ZNF236: variants seen among roughly 807,000 people sequenced by gnomAD.
ZNF236 encodes regulated by glucose.
A neutral mutation model predicts 191.2 loss-of-function variants in ZNF236; 50 were observed. That is an observed-to-expected ratio of 0.26 (90% CI 0.21 to 0.33). ZNF236 has a LOEUF of 0.33. ZNF236 is among the 10% of genes least tolerant of loss of function. The pLI is 1.00. For missense variants in ZNF236, 1,754 were observed against 2,374.5 expected (o/e 0.74, Z 5.43); for synonymous variants, 907 against 928.8 (o/e 0.98, Z 0.43).
Position 76,884,224 on chromosome 18 carries a change from AC to A in ZNF236, c.1417+2716del, listed in dbSNP as rs372322884. ...AGACCAGCCTGGACAACATGGTGAA[AC>A]CCCGTCTCTATTAAAAATACAAAAA... On this transcript the variant is annotated intron_variant, in intron 9 of 30. Transcript: ENST00000320610. 9.5e-3 allele frequency among the ~76,000 whole-genome samples: 1,447 copies of A among 151,834 alleles called. 23 individuals are homozygous for A. Among genetic ancestry groups the A allele is most frequent in the African/African-American group, 0.033 (1,357 of 41,360 alleles).
intron 1 of ZNF236, among the ~76,000 whole-genome samples, chr18:76,829,307 G>A (rs974165326): frequency 6.7e-6 from 1 of 148,374 alleles, no homozygotes; most frequent in East Asian, 2.0e-4. Flanking sequence ...GGCAACTCAC[G>A]CATTATGGAA....
chr18:76,900,090 A>G (rs1355408706), intron 11 of ZNF236, among the ~76,000 whole-genome samples: 6 of 152,178 alleles, frequency 3.9e-5, no homozygotes, highest in Non-Finnish European at 2.9e-5. Flanking sequence ...GTATTTCACT[A>G]CTTTCCTAGG....
chr18:76,882,436 C>G (rs530099970), intron 9 of ZNF236, among the ~76,000 whole-genome samples: 1 of 152,272 alleles, frequency 6.6e-6, no homozygotes, highest in Non-Finnish European at 1.5e-5. Context: ...GGAATACAGC[C>G]TTCTCATTTC....
At chr18:76,934,733 C>G (rs1323894499) in intron 25 of ZNF236, among the ~76,000 whole-genome samples, 1 of 152,220 alleles carries the variant, frequency 6.6e-6, no homozygotes, top group African/African-American at 2.4e-5. Flanking sequence ...GACCTGGATG[C>G]TTGGGAACGA....
chr18:76,838,485 T>A (rs1324520471), intron 1 of ZNF236, among the ~76,000 whole-genome samples: 1 of 152,078 alleles, frequency 6.6e-6, no homozygotes, highest in Non-Finnish European at 1.5e-5. Flanking sequence ...CCAGATGGAG[T>A]CATAGTTTAC....
chr18:76,893,575 A>G (rs1290699127), intron 9 of ZNF236, among the ~76,000 whole-genome samples: 1 of 152,048 alleles, frequency 6.6e-6, no homozygotes, highest in Non-Finnish European at 1.5e-5. Flanking sequence ...TGGCACAGTT[A>G]TAGCACACTG....
At chr18:76,928,595 G>A (rs1967769063) in intron 25 of ZNF236, among the ~76,000 whole-genome samples, 1 of 152,184 alleles carries the variant, frequency 6.6e-6, no homozygotes, top group Admixed American at 6.5e-5. Context: ...CCCTTTGGCA[G>A]TAAAGCCCAC....
At chr18:76,943,049 G>GGAAGTGGA in intron 26 of ZNF236, among the ~76,000 whole-genome samples, 1 of 148,588 alleles carries the variant, frequency 6.7e-6, no homozygotes, top group South Asian at 2.1e-4. Context: ...CGTGAACCCG[G>GGAAGTGGA]GAAGTGGAGG....
rs548374841 is a variant in ZNF236, at chr18:76,870,343, G to T, written c.543-1358G>T. Among the ~76,000 whole-genome samples, 33 of 152,158 alleles carry T rather than the reference G, an allele frequency of 2.2e-4. 1 individual carries two copies. The highest frequency in any genetic ancestry group is 6.0e-4 in the African/African-American group (25 of 41,502). ...TTTAAACCCCCAAATATAATACATG[G>T]TCTCTATACACTCCAGATTTTTATT... is the stretch of plus-strand genomic sequence containing the variant. On this transcript the variant is annotated intron_variant, in intron 4 of 30. Transcript: ENST00000320610.
chr18:76,847,043 C>T (rs6565922), intron 1 of ZNF236, among the ~76,000 whole-genome samples: 65,836 of 151,298 alleles, frequency 0.44, 14,595 homozygotes, highest in African/African-American at 0.53. Flanking sequence ...TCCACCCACC[C>T]TGGGCTCCCA....
intron 7 of ZNF236, among the ~76,000 whole-genome samples, chr18:76,878,621 A>ACG (rs1568209108): frequency 1.3e-5 from 2 of 150,810 alleles, no homozygotes; most frequent in Non-Finnish European, 3.0e-5. Flanking sequence ...ACAGGTGCGC[A>ACG]CACACACACA....
intron 1 of ZNF236, chr18:76,841,168 A>C (rs974864933): frequency 2.6e-5 from 4 of 152,044 alleles, no homozygotes; most frequent in African/African-American, 9.7e-5. Context: ...CTAACTCCTG[A>C]CCTCGTGATC....
In ZNF236 at chr18:76,925,676, C is replaced by T; in HGVS notation, c.4027+122C>T. 2 of 1,359,598 alleles carry T rather than the reference C, an allele frequency of 1.5e-6. No homozygotes were observed. The allele number at this position is 1,359,598 out of a possible 1,614,324, so 84.2% of individuals were successfully genotyped here. Reference sequence around the variant, plus strand: ...TAGCACCACGTTTCCCTTCTTTGAGCCTTTTCCTTATAAGGCATTCGGAAA... The same window carrying T: ...TAGCACCACGTTTCCCTTCTTTGAGTCTTTTCCTTATAAGGCATTCGGAAA... On this transcript the variant is annotated intron_variant, in intron 22 of 30. Transcript: ENST00000320610. This position sits in a 1 kb window ranked among gnomAD's most constrained non-coding sequence, Gnocchi z 5.7.
intron 27 of ZNF236, among the ~76,000 whole-genome samples, chr18:76,948,627 G>A (rs75464371): frequency 0.014 from 2,058 of 152,334 alleles, 43 homozygotes; most frequent in African/African-American, 0.046. Context: ...GAGCTTCCCA[G>A]TGTCTGCTCC....
chr18:76,942,573 A>G (rs1430003698), intron 26 of ZNF236, among the ~76,000 whole-genome samples: 1 of 151,466 alleles, frequency 6.6e-6, no homozygotes, highest in Non-Finnish European at 1.5e-5. Flanking sequence ...GTGCAGTGGC[A>G]CGATCTCCGC....
rs1192572694 is a variant in ZNF236, at chr18:76,892,296, C to G, written c.1418-2717C>G. On this transcript the variant is annotated intron_variant, in intron 9 of 30. Coordinates refer to ENST00000320610, the MANE Select transcript of ZNF236 (RefSeq NM_001306089.2). Reference sequence around the variant, plus strand: ...TATCATTTGAAAATAATGACTGATGCTTCATTTCTAGTGTATACTGTATAT... The same window carrying G: ...TATCATTTGAAAATAATGACTGATGGTTCATTTCTAGTGTATACTGTATAT... 2.1e-4 allele frequency among the ~76,000 whole-genome samples: 31 copies of G among 147,090 alleles called. No homozygotes were observed. The Admixed American group carries it at 2.2e-3, about 10-fold the overall frequency.
intron 26 of ZNF236, among the ~76,000 whole-genome samples, chr18:76,938,821 G>T (rs906003650): frequency 1.3e-5 from 2 of 152,180 alleles, no homozygotes; most frequent in African/African-American, 4.8e-5. Context: ...CGTGCCCCCA[G>T]GGACCTGTCG....
intron 21 of ZNF236, among the ~76,000 whole-genome samples, chr18:76,924,476 C>T (rs962919296): frequency 1.3e-5 from 2 of 152,106 alleles, no homozygotes; most frequent in African/African-American, 4.8e-5. Flanking sequence ...TGCACTAGTC[C>T]CTCGGTGGAT....
At chr18:76,852,037 C>G in intron 3 of ZNF236, 98 bp downstream of exon 3, 2 of 1,276,270 alleles carry the variant, frequency 1.6e-6, no homozygotes, top group Non-Finnish European at 2.1e-6. Context: ...GTTTTGAAAG[C>G]CTTTTGTGTA....
Sources: gnomAD v4.1 joint callset for allele counts (sites outside exome capture counted in the v4.1 genomes callset) on GRCh38, gnomAD v4.1.1 for gene constraint, Gnocchi (gnomAD v3.1) non-coding constraint, MANE v1.5 for transcripts, NCBI Gene and HGNC (gene_info 2026-07-23, HGNC 2026-07-21) for gene names.